Variants in CCDC3 observed in about 807,000 individuals in gnomAD.
The protein encoded by CCDC3 is coiled-coil domain-containing protein 3.
In CCDC3, 24 loss-of-function variants were observed where a neutral mutation model predicts 21.4. The observed-to-expected ratio is 1.12, with a 90% CI of 0.81 to 1.58. The LOEUF (loss-of-function observed/expected upper bound fraction) is 1.58. CCDC3 is among the 40% of genes most tolerant of loss of function. The pLI, the probability that CCDC3 is intolerant of heterozygous loss-of-function variation, is 0.00. For missense variants in CCDC3, 425 were observed against 360.9 expected (o/e 1.18, Z -1.44); for synonymous variants, 186 against 166.0 (o/e 1.12, Z -0.93).
intron 2 of CCDC3, among the ~76,000 whole-genome samples, chr10:12,902,802 G>A (rs1373435977): frequency 7.1e-6 from 1 of 141,438 alleles, no homozygotes; most frequent in East Asian, 2.1e-4. Context: ...GCTAGCAAGA[G>A]GATGAATTTC....
At chr10:13,021,229 C>T (rs1046072893) in intron 5 of CCDC3, among the ~76,000 whole-genome samples, 11 of 152,230 alleles carry the variant, frequency 7.2e-5, no homozygotes, top group Non-Finnish European at 1.5e-4. Context: ...AGATATACTT[C>T]TGGGGCAACT....
intron 5 of CCDC3, among the ~76,000 whole-genome samples, chr10:13,017,378 G>A (rs10906281): frequency 0.27 from 41,020 of 151,500 alleles, 6,671 homozygotes; most frequent in Non-Finnish European, 0.36. Flanking sequence ...TTAGCCAGGT[G>A]TGGTGGCGGG....
chr10:13,014,933 G>C (rs558231683), intron 5 of CCDC3, among the ~76,000 whole-genome samples: 1 of 152,058 alleles, frequency 6.6e-6, no homozygotes, highest in Non-Finnish European at 1.5e-5. Flanking sequence ...ACAAATCTTC[G>C]TTCATAAGAA....
intron 4 of CCDC3, among the ~76,000 whole-genome samples, chr10:13,071,528 C>T (rs1836882292): frequency 6.6e-6 from 1 of 152,216 alleles, no homozygotes; most frequent in African/African-American, 2.4e-5. Context: ...TCACAGGCTA[C>T]TGACAGCAGG....
chr10:13,093,026 CT>C (rs143190092), intron 3 of CCDC3, among the ~76,000 whole-genome samples: 43,991 of 128,542 alleles, frequency 0.34, 6,813 homozygotes, highest in South Asian at 0.4. Flanking sequence ...AACCCCTCAC[CT>C]TTTTTTTTTT....
chr10:13,026,541 G>A (rs1380810679), intron 5 of CCDC3, among the ~76,000 whole-genome samples: 6 of 151,922 alleles, frequency 3.9e-5, no homozygotes, highest in Non-Finnish European at 8.8e-5. Context: ...AACACTGCAC[G>A]GTCTGCACTT....
chr10:13,014,933 G>A (rs558231683), intron 5 of CCDC3, among the ~76,000 whole-genome samples: 4 of 152,176 alleles, frequency 2.6e-5, no homozygotes, highest in African/African-American at 9.6e-5. Flanking sequence ...ACAAATCTTC[G>A]TTCATAAGAA....
intron 2 of CCDC3, among the ~76,000 whole-genome samples, chr10:12,915,458 C>G (rs964069102): frequency 6.6e-6 from 1 of 152,136 alleles, no homozygotes; most frequent in African/African-American, 2.4e-5. Flanking sequence ...ATTTTGAATT[C>G]TTTGTCAGGT....
chr10:12,969,445 T>C (rs949212088), intron 2 of CCDC3, among the ~76,000 whole-genome samples: 1 of 151,612 alleles, frequency 6.6e-6, no homozygotes. Flanking sequence ...TTATGGTAAA[T>C]ATATAACAAC....
chr10:12,951,901 T>C (rs1341073544), intron 2 of CCDC3, among the ~76,000 whole-genome samples: 1 of 150,700 alleles, frequency 6.6e-6, no homozygotes, highest in African/African-American at 2.4e-5. Context: ...GAGGGATCGC[T>C]GGTGTTTTTG....
At chr10:12,992,383 C>T (rs964730856) in intron 2 of CCDC3, among the ~76,000 whole-genome samples, 1 of 152,014 alleles carries the variant, frequency 6.6e-6, no homozygotes, top group Non-Finnish European at 1.5e-5. Flanking sequence ...ACCAAGACTC[C>T]ATCTCAAAAG....
intron 4 of CCDC3, among the ~76,000 whole-genome samples, chr10:13,066,185 C>T (rs1335166116): frequency 6.6e-6 from 1 of 151,514 alleles, no homozygotes; most frequent in Non-Finnish European, 1.5e-5. Context: ...TAGACAGGGT[C>T]TCATTCCCAT....
chr10:13,008,615 G>A (rs1038952007), intron 5 of CCDC3, among the ~76,000 whole-genome samples: 2 of 152,184 alleles, frequency 1.3e-5, no homozygotes, highest in African/African-American at 4.8e-5. Flanking sequence ...TCCTGTGGTG[G>A]TGAAACATGA....
chr10:12,988,420 C>T (rs1835631093), intron 2 of CCDC3, among the ~76,000 whole-genome samples: 1 of 152,096 alleles, frequency 6.6e-6, no homozygotes, highest in African/African-American at 2.4e-5. Flanking sequence ...AATCTCAGCT[C>T]ACTGCAATCT....
intron 2 of CCDC3, among the ~76,000 whole-genome samples, chr10:12,947,759 T>C (rs1018369221): frequency 2.6e-5 from 4 of 152,200 alleles, no homozygotes; most frequent in African/African-American, 9.7e-5. Flanking sequence ...AAGTGCCTCT[T>C]GTATGAAGAG....
At chr10:12,962,459 C>T (rs1363049557) in intron 2 of CCDC3, among the ~76,000 whole-genome samples, 2 of 152,046 alleles carry the variant, frequency 1.3e-5, no homozygotes, top group African/African-American at 2.4e-5. Flanking sequence ...AAAAATTAGC[C>T]AGGTGTGGTG....
At chr10:12,978,906 C>T (rs1314973582) in intron 2 of CCDC3, among the ~76,000 whole-genome samples, 3 of 152,216 alleles carry the variant, frequency 2.0e-5, no homozygotes, top group Admixed American at 2.0e-4. Context: ...GGACCCCACA[C>T]TCATTATGCC....
chr10:12,971,817 G>A (rs1342721911), intron 2 of CCDC3, among the ~76,000 whole-genome samples: 5 of 152,050 alleles, frequency 3.3e-5, no homozygotes, highest in Non-Finnish European at 7.4e-5. Context: ...CTCCCAAGTC[G>A]CTGGAATTAC....
Position 13,001,274 on chromosome 10 carries a change from G to C in CCDC3, c.297C>G (p.Leu99=), listed in dbSNP as rs1165726653. The C allele has an allele frequency of 1.2e-6, 2 of 1,602,420 alleles. No individual in the cohort carries two copies. Among genetic ancestry groups the C allele is most frequent in the Non-Finnish European group, 8.5e-7 (1 of 1,175,766 alleles). The change falls in exon 1 of 3, where the codon CTC becomes CTG. Residue 99 remains leucine, a synonymous_variant. Coordinates refer to ENST00000378825, the MANE Select transcript of CCDC3 (RefSeq NM_031455.4). ...SMLEVPAGSR[L]NLTGLGYFSC... The stretch of plus-strand genomic sequence containing the variant: ...AGAAGTAGCCCAGGCCGGTGAGGTT[G>C]AGCCTGGAGCCGGCGGGCACCTCCA...
Sources: allele counts gnomAD v4.1 joint callset (sites outside exome capture counted in the v4.1 genomes callset), GRCh38; gene constraint gnomAD v4.1.1; transcripts MANE v1.5; gene names NCBI Gene and HGNC (gene_info 2026-07-23, HGNC 2026-07-21).